FRMD6: variants seen among roughly 807,000 people sequenced by gnomAD.
FRMD6 encodes FERM domain containing 6, also known as FERM domain-containing protein 6.
In FRMD6, 37 loss-of-function variants were observed where a neutral mutation model predicts 73.2. That is an observed-to-expected ratio of 0.51 (90% CI 0.39 to 0.66). The LOEUF (loss-of-function observed/expected upper bound fraction) is 0.66. Among genes scored for constraint, FRMD6 ranks in the 30% least tolerant of loss-of-function variants. The pLI, the probability that FRMD6 is intolerant of heterozygous loss-of-function variation, is 0.00. For synonymous variants in FRMD6, 273 were observed against 282.2 expected, an observed-to-expected ratio of 0.97 and a Z score of 0.33; for missense variants, 714 against 780.5, an observed-to-expected ratio of 0.91 and a Z score of 1.02.
chr14:51,403,775 T>C, the FRMD6 span, among the ~76,000 whole-genome samples: 3 of 152,246 alleles, frequency 2.0e-5, no homozygotes, highest in African/African-American at 7.2e-5. Context: ...GTTCTCATTT[T>C]ATTGTTATAT....
intron 3 of FRMD6, 136 bp downstream of exon 3, chr14:51,698,368 T>C: frequency 2.1e-6 from 1 of 474,378 alleles, no homozygotes; most frequent in Non-Finnish European, 3.7e-6. Context: ...TTTTCATTTT[T>C]AGTGTAGGTG....
intron 1 of FRMD6, among the ~76,000 whole-genome samples, chr14:51,496,748 C>G (rs996982199): frequency 1.3e-5 from 2 of 152,194 alleles, no homozygotes; most frequent in Non-Finnish European, 2.9e-5. Context: ...CACAGGTCTA[C>G]CATCTGGAAA....
intron 1 of FRMD6, among the ~76,000 whole-genome samples, chr14:51,566,896 G>T (rs1887804068): frequency 6.6e-6 from 1 of 152,206 alleles, no homozygotes; most frequent in Non-Finnish European, 1.5e-5. Context: ...TGTTTTCACA[G>T]AATTGGTTGA....
the FRMD6 span, among the ~76,000 whole-genome samples, chr14:51,416,557 A>G: frequency 2.6e-5 from 4 of 152,174 alleles, no homozygotes; most frequent in Non-Finnish European, 5.9e-5. Context: ...TTTGCTGAGG[A>G]GTGCTTTACT....
intron 1 of FRMD6, among the ~76,000 whole-genome samples, chr14:51,501,552 TC>T (rs1883622018): frequency 1.3e-5 from 2 of 152,162 alleles, no homozygotes; most frequent in African/African-American, 4.8e-5. Flanking sequence ...ATGATTCTGT[TC>T]CTTTTTATGG....
At chr14:51,491,976 C>T (rs1311584993) in intron 1 of FRMD6, among the ~76,000 whole-genome samples, 2 of 152,234 alleles carry the variant, frequency 1.3e-5, no homozygotes, top group East Asian at 3.8e-4. Context: ...CCTTTGAGGT[C>T]TGGCAGCTGA....
the FRMD6 span, among the ~76,000 whole-genome samples, chr14:51,482,405 A>C: frequency 1.3e-5 from 2 of 152,204 alleles, no homozygotes; most frequent in Non-Finnish European, 2.9e-5. Context: ...TTCTCAATCC[A>C]TGTTTCTAGA....
the FRMD6 span, chr14:51,436,636 G>T: frequency 5.6e-6 from 3 of 538,938 alleles, no homozygotes; most frequent in Non-Finnish European, 1.0e-5. Flanking sequence ...GAACTAGAGA[G>T]TTTTTTACCT....
chr14:51,704,661 C>A, intron 5 of FRMD6, 88 bp from the exon 6 acceptor site: 1 of 1,082,320 alleles, frequency 9.2e-7, no homozygotes, highest in Non-Finnish European at 1.3e-6. Context: ...GTTCCTGTCA[C>A]CAGATGGAGA....
At chr14:51,416,691 C>T in the FRMD6 span, among the ~76,000 whole-genome samples, 1 of 152,198 alleles carries the variant, frequency 6.6e-6, no homozygotes, top group East Asian at 1.9e-4. Context: ...GAGCTGAGTT[C>T]AAGTAGTGGA....
intron 1 of FRMD6, among the ~76,000 whole-genome samples, chr14:51,526,870 C>G (rs1346807469): frequency 6.6e-6 from 1 of 152,210 alleles, no homozygotes; most frequent in Non-Finnish European, 1.5e-5. Context: ...TCAGTAAAGT[C>G]TTCCTAAATG....
the FRMD6 span, among the ~76,000 whole-genome samples, chr14:51,453,532 TAC>T: frequency 6.6e-6 from 1 of 152,222 alleles, no homozygotes; most frequent in African/African-American, 2.4e-5. Flanking sequence ...ACAGTGGATA[TAC>T]AGTTTTTGGA....
Position 51,689,899 on chromosome 14 carries a change from C to G in FRMD6, c.63C>G (p.Phe21Leu). The G allele has an allele frequency of 1.9e-6, 3 of 1,612,596 alleles. No individual in the cohort carries two copies. The highest frequency in any genetic ancestry group is 2.5e-6 in the Non-Finnish European group (3 of 1,178,604). The change falls in exon 2 of 14, where the codon TTC (phenylalanine) becomes TTG (leucine). Residue 21 changes from phenylalanine to leucine, a missense_variant. Physicochemically the swap from Phe to Leu is conservative, Grantham distance 22. Transcript: ENST00000344768. ...VMQDRRSVCI[F>L]LPNDESLNII... is the part of the protein sequence containing the mutation. ...AAGACCGCCGCAGTGTGTGCATTTT[C>G]CTTCCCAACGATGAATCTCTGAACA...
intron 2 of FRMD6, among the ~76,000 whole-genome samples, chr14:51,612,123 G>A (rs866831917): frequency 4.6e-5 from 7 of 152,164 alleles, no homozygotes; most frequent in Admixed American, 4.6e-4. Context: ...CAAAAGAAAT[G>A]CCTGAACATC....
chr14:51,483,272 G>A, the FRMD6 span, among the ~76,000 whole-genome samples: 1 of 152,218 alleles, frequency 6.6e-6, no homozygotes, highest in East Asian at 1.9e-4. Flanking sequence ...AAACAAGAGA[G>A]TTGAGGTCTC....
intron 2 of FRMD6, among the ~76,000 whole-genome samples, chr14:51,691,270 T>C (rs56716100): frequency 0.012 from 1,899 of 152,344 alleles, 49 homozygotes; most frequent in African/African-American, 0.042. Context: ...TGGATAGATA[T>C]TGAGTTTTGG....
the FRMD6 span, among the ~76,000 whole-genome samples, chr14:51,424,071 A>T: frequency 6.6e-6 from 1 of 152,222 alleles, no homozygotes; most frequent in African/African-American, 2.4e-5. Flanking sequence ...AAAATTGGGC[A>T]GTAATTGATT....
At chr14:51,564,067 G>T (rs1449980576) in intron 1 of FRMD6, among the ~76,000 whole-genome samples, 4 of 152,038 alleles carry the variant, frequency 2.6e-5, no homozygotes, top group Non-Finnish European at 5.9e-5. Flanking sequence ...TACAGCTCTG[G>T]TCACTATTTA....
chr14:51,631,517 G>A (rs1891335437), intron 2 of FRMD6, among the ~76,000 whole-genome samples: 2 of 152,296 alleles, frequency 1.3e-5, no homozygotes, highest in East Asian at 1.9e-4. Flanking sequence ...AGGAAGCTAA[G>A]GGTTGTTCAT....
Sources: gnomAD v4.1 joint callset for allele counts (sites outside exome capture counted in the v4.1 genomes callset) on GRCh38, gnomAD v4.1.1 for gene constraint, MANE v1.5 for transcripts, NCBI Gene and HGNC (gene_info 2026-07-23, HGNC 2026-07-21) for gene names.